DYSF: variants seen among roughly 807,000 people sequenced by gnomAD.
DYSF encodes the protein dystrophy-associated fer-1-like 1.
Under a neutral mutation model 274.9 loss-of-function variants are expected in DYSF, and 212 were observed. The ratio of observed to expected loss-of-function variants is 0.77; its 90% CI spans 0.69 to 0.86. The LOEUF is 0.86. Among genes scored for constraint, DYSF ranks in the 40% least tolerant of loss-of-function variants. The probability of loss-of-function intolerance (pLI) is 0.00; values close to 1 mark genes in which losing one functional copy is unlikely to be tolerated. For missense variants in DYSF, 2,666 were observed against 2,783.2 expected, an observed-to-expected ratio of 0.96 and a Z score of 0.95; for synonymous variants, 1,091 against 1,078.7, an observed-to-expected ratio of 1.01 and a Z score of -0.22.
Position 71,513,922 on chromosome 2 carries a change from G to C in DYSF, c.759+1G>C, listed in dbSNP as rs398123800. ...GTCAGACAAACCGCAGGATTTCCAGGTGATGAACGGGCTTTCTCTGACCCC... is the reference window on the plus strand; with the variant it reads ...GTCAGACAAACCGCAGGATTTCCAGCTGATGAACGGGCTTTCTCTGACCCC... On this transcript the variant is annotated splice_donor_variant, in intron 7 of 55. Coordinates refer to ENST00000410020, the MANE Select transcript of DYSF (RefSeq NM_001130987.2). LOFTEE classifies it high-confidence loss of function. The C allele has an allele frequency of 1.9e-6, 3 of 1,614,166 alleles. No individual in the cohort carries two copies. In the East Asian group the frequency reaches 6.7e-5, roughly 36 times the overall value.
chr2:71,462,061 C>G (rs995405940), upstream of DYSF, among the ~76,000 whole-genome samples: 1 of 152,174 alleles, frequency 6.6e-6, no homozygotes, highest in African/African-American at 2.4e-5. Context: ...CTGGTAGCAC[C>G]TTTGCCTGAA....
intron 55 of DYSF, among the ~76,000 whole-genome samples, chr2:71,686,162 G>A (rs1450401523): frequency 2.0e-5 from 3 of 152,188 alleles, no homozygotes; most frequent in Non-Finnish European, 1.5e-5. Context: ...GAGCAATTTG[G>A]GCAGCTTTGG....
At chr2:71,520,127 T>C in intron 10 of DYSF, 51 bp from the exon 11 acceptor site, 1 of 1,612,406 alleles carries the variant, frequency 6.2e-7, no homozygotes, top group Non-Finnish European at 8.5e-7. Context: ...ACACTTTATT[T>C]AACGCTTTGG....
At position 71,570,327 on chromosome 2, in the gene DYSF, T is replaced by C; in HGVS notation, c.3078T>C (p.Asp1026=). The C allele has an allele frequency of 4.3e-6, 7 of 1,614,004 alleles. No individual in the cohort carries two copies. The highest frequency in any genetic ancestry group is 5.9e-6 in the Non-Finnish European group (7 of 1,179,958). ...CCACAGACCTCAACCGGGCTGTCGA[T>C]GAGCAAGGTGGGCAGCATGTGGAAC... The part of the protein sequence containing the change: ...EWSTDLNRAV[D]EQGWEYSITI... The change falls in exon 28 of 56, where the codon GAT becomes GAC. Residue 1026 remains aspartate, a synonymous_variant. Coordinates refer to ENST00000410020, the MANE Select transcript of DYSF (RefSeq NM_001130987.2).
intron 29 of DYSF, among the ~76,000 whole-genome samples, chr2:71,571,326 A>C (rs1458956793): frequency 6.7e-6 from 1 of 148,546 alleles, no homozygotes; most frequent in Non-Finnish European, 1.5e-5. Context: ...CACCCAGCAC[A>C]CGCACAGCTC....
rs774986429 is a variant in DYSF, at chr2:71,535,024, TGCA to T, written c.1388_1390del (p.Ser463del). On this transcript the variant is annotated inframe_deletion, in exon 15 of 56. Transcript: ENST00000410020. ...GTCCCCTCCCTGTGTCTTCTAGCTG[TGCA>T]GCAAGATCTTGGAGAAGACGGCCAA... 6.2e-7 allele frequency: 1 copy of T among 1,614,192 alleles called. No homozygotes were observed.
chr2:71,469,474 G>C (rs1203447631), intron 1 of DYSF, among the ~76,000 whole-genome samples: 1 of 152,198 alleles, frequency 6.6e-6, no homozygotes, highest in Non-Finnish European at 1.5e-5. Flanking sequence ...ACTGAGCCCA[G>C]CTCCTCATGG....
In DYSF at chr2:71,564,057, GC is replaced by G; in HGVS notation, c.2413del (p.Gln805ArgfsTer50). 6.2e-7 allele frequency: 1 copy of G among 1,614,040 alleles called. No homozygotes were observed. The highest frequency in any genetic ancestry group is 8.5e-7 in the Non-Finnish European group (1 of 1,179,964). ...CACCCCGACCACCACCCTCTGTTCA[GC>G]CCCAGAACAGCCTGCCGGACATCGT... Reference protein sequence around the residue: ...LLRLRALAEEPQNSLPDIVIW... With the variant: ...LLRLRALAEEXQNSLPDIVIW... On this transcript the variant is annotated frameshift_variant and splice_region_variant, in exon 24 of 56. Transcript: ENST00000410020. LOFTEE classifies it high-confidence loss of function.
At chr2:71,651,808 C>T (rs995119260) in intron 42 of DYSF, among the ~76,000 whole-genome samples, 5 of 151,876 alleles carry the variant, frequency 3.3e-5, no homozygotes, top group African/African-American at 4.8e-5. Flanking sequence ...TCATGATAAC[C>T]GAATTTGCTT....
Position 71,611,759 on chromosome 2 carries a change from A to G in DYSF, c.4221+133A>G. The G allele has an allele frequency of 7.6e-6, 9 of 1,180,668 alleles. No individual in the cohort carries two copies. In the South Asian group the frequency reaches 1.2e-4, roughly 16 times the overall value. The allele number at this position is 1,180,668 out of a possible 1,614,324, so 73.1% of individuals were successfully genotyped here. The stretch of plus-strand genomic sequence containing the variant: ...TAGGACCCCTCACTTTCCTGTGAAC[A>G]TGGGGAGAAATGCTCATACCCTCCT... On this transcript the variant is annotated intron_variant, in intron 38 of 55. Transcript: ENST00000410020.
chr2:71,675,558 G>A (rs767110637), intron 52 of DYSF, among the ~76,000 whole-genome samples: 4 of 152,190 alleles, frequency 2.6e-5, no homozygotes, highest in African/African-American at 4.8e-5. Context: ...CTGTTCCCCC[G>A]CCCTGCGCAC....
chr2:71,502,219 A>G (rs934871628), intron 3 of DYSF, among the ~76,000 whole-genome samples: 1 of 151,938 alleles, frequency 6.6e-6, no homozygotes, highest in South Asian at 2.1e-4. Context: ...GTTTTATTTG[A>G]TAGGGTCATA....
rs763665360 is a variant in DYSF at position 71,668,731 on chromosome 2, G to A, written c.5458-23G>A. On this transcript the variant is annotated intron_variant, in intron 48 of 55. Transcript: ENST00000410020. Reference sequence around the variant, plus strand: ...GCTGGTTAAATGAGAAGGGTGGGGAGAGAACGGACCCTGTCTCCGCAGGGG... The same window carrying A: ...GCTGGTTAAATGAGAAGGGTGGGGAAAGAACGGACCCTGTCTCCGCAGGGG... 1.6e-5 allele frequency: 26 copies of A among 1,610,276 alleles called. No homozygotes were observed. In the South Asian group the frequency reaches 2.2e-4, roughly 14 times the overall value.
In DYSF at chr2:71,615,182, T is replaced by A. The variant is rs756864121; in HGVS notation, c.4464+1772T>A. Among the ~76,000 whole-genome samples the A allele has an allele frequency of 6.6e-6, 1 of 152,150 alleles. No individual in the cohort carries two copies. Among genetic ancestry groups the A allele is most frequent in the Non-Finnish European group, 1.5e-5 (1 of 68,010 alleles). On this transcript the variant is annotated intron_variant, in intron 40 of 55. Transcript: ENST00000410020. The surrounding 1 kb of genome is among the most constrained non-coding windows in gnomAD (Gnocchi z 4.9). ...ATGAGGAGGCCCAGCCTGGCCATCC[T>A]CCCGGCGTTGACATGAGGGAACTGG...
rs1559065297 is a variant in DYSF at position 71,520,176 on chromosome 2, A to G, written c.1003-2A>G. The stretch of plus-strand genomic sequence containing the variant: ...ATTTGTGTCTCCTCTCATTGATTGC[A>G]GATGGACGTGGGCACCATTTACAGA... On this transcript the variant is annotated splice_acceptor_variant, in intron 10 of 55. Transcript: ENST00000410020. LOFTEE classifies it high-confidence loss of function. 6.2e-7 allele frequency: 1 copy of G among 1,614,218 alleles called. No individual in the cohort carries two copies. Among genetic ancestry groups the G allele is most frequent in the South Asian group, 1.1e-5 (1 of 91,090 alleles).
At chr2:71,651,371 T>C (rs1015337054) in intron 42 of DYSF, among the ~76,000 whole-genome samples, 2 of 151,982 alleles carry the variant, frequency 1.3e-5, no homozygotes, top group Non-Finnish European at 2.9e-5. Flanking sequence ...GCAGAGATAA[T>C]TGGGAGTTAG....
intron 39 of DYSF, 99 bp downstream of exon 39, chr2:71,612,905 G>GGTTTCTGAATGAGACCTGAAT: frequency 7.1e-7 from 1 of 1,407,508 alleles, no homozygotes; most frequent in East Asian, 2.5e-5. Flanking sequence ...CTTCTCTTAC[G>GGTTTCTGAATGAGACCTGAAT]GAGACCTGAA....
chr2:71,679,611 T>TATTCTGC (rs1339338649), intron 53 of DYSF, among the ~76,000 whole-genome samples: 3 of 152,082 alleles, frequency 2.0e-5, no homozygotes, highest in African/African-American at 7.2e-5. Flanking sequence ...GGACCATCCT[T>TATTCTGC]ATTCTGCTCT....
chr2:71,539,100 G>A, intron 16 of DYSF, 57 bp from the exon 17 acceptor site: 7 of 1,500,954 alleles, frequency 4.7e-6, no homozygotes, highest in Admixed American at 3.3e-5. Flanking sequence ...TTCCTGGGTG[G>A]GCTGTGGCCT....
Sources: gnomAD v4.1 joint callset for allele counts (sites outside exome capture counted in the v4.1 genomes callset) on GRCh38, gnomAD v4.1.1 for gene constraint, Gnocchi (gnomAD v3.1) non-coding constraint, MANE v1.5 for transcripts, NCBI Gene and HGNC (gene_info 2026-07-23, HGNC 2026-07-21) for gene names.